Variants in C17orf113 observed in about 807,000 individuals in gnomAD.
C17orf113 encodes uncharacterized protein C17orf113.
C17orf113 carries 5 observed loss-of-function variants against 11.6 expected under a neutral mutation model. The observed-to-expected ratio is 0.43, with a 90% CI of 0.23 to 0.91. The LOEUF (loss-of-function observed/expected upper bound fraction) is 0.91. C17orf113 is among the 40% of genes least tolerant of loss of function. C17orf113 has a pLI of 0.26. For synonymous variants in C17orf113, 327 were observed against 390.6 expected, an observed-to-expected ratio of 0.84 and a Z score of 1.92; for missense variants, 714 against 841.3, an observed-to-expected ratio of 0.85 and a Z score of 1.87.
intron 1 of C17orf113, among the ~76,000 whole-genome samples, chr17:42,046,241 G>A (rs1390579389): frequency 6.6e-6 from 1 of 151,862 alleles, no homozygotes; most frequent in South Asian, 2.1e-4. Flanking sequence ...TTCATATCTC[G>A]TAAGTCCCTG....
intron 1 of C17orf113, among the ~76,000 whole-genome samples, chr17:42,046,204 T>C (rs1555656610): frequency 1.3e-5 from 2 of 152,140 alleles, no homozygotes; most frequent in Non-Finnish European, 2.9e-5. Context: ...ACTGAGTTCC[T>C]AGAAGCCAAG....
intron 2 of C17orf113, among the ~76,000 whole-genome samples, chr17:42,042,612 C>T (rs1289686717): frequency 2.0e-5 from 3 of 152,198 alleles, no homozygotes; most frequent in Non-Finnish European, 4.4e-5. Flanking sequence ...AGAAGAGTGC[C>T]CCTGTGCCCG....
rs1449519217 is a variant in C17orf113, at chr17:42,042,938, G to T, written c.439C>A (p.Arg147Ser). 7 of 1,232,378 alleles carry T rather than the reference G, an allele frequency of 5.7e-6. No homozygotes were observed. The Admixed American group carries it at 2.5e-4, about 45-fold the overall frequency. 76.3% of individuals were successfully genotyped at this position (1,232,378 alleles called of 1,614,324 possible). Residue 147 changes from arginine (R) to serine (S), a missense_variant, in exon 2 of 3, where the codon CGC becomes AGC. Arg to Ser is a moderately radical substitution (Grantham distance 110). Around this residue, in one of 3 missense-constraint regions of C17orf113, gnomAD observed 516 missense variants for 626.6 expected, o/e 0.82. Coordinates refer to ENST00000587304, the MANE Select transcript of C17orf113 (RefSeq NM_001358661.2). Reference protein sequence around the residue: ...CMAKEDVPNDRCSALLELQRF... With the variant: ...CMAKEDVPNDSCSALLELQRF... The stretch of plus-strand genomic sequence containing the variant: ...TGCAGCTCGAGCAGGGCAGAGCAGC[G>T]GTCATTGGGCACATCCTCCTTTGCC...
intron 1 of C17orf113, among the ~76,000 whole-genome samples, chr17:42,049,947 T>A: frequency 6.6e-6 from 1 of 152,238 alleles, no homozygotes; most frequent in Non-Finnish European, 1.5e-5. Flanking sequence ...ACAGCACATT[T>A]ACATCATCCC....
At position 42,050,074 on chromosome 17, in the gene C17orf113, T is replaced by A. The variant is rs2053249256; in HGVS notation, c.-188+483A>T. Reference sequence around the variant, plus strand: ...TGAGGTGTAAACAAAACTCCATGGGTCCAGTTGTGACCAAGGCTGACCAGG... The same window carrying A: ...TGAGGTGTAAACAAAACTCCATGGGACCAGTTGTGACCAAGGCTGACCAGG... On this transcript the variant is annotated intron_variant, in intron 1 of 2. Coordinates refer to ENST00000587304, the MANE Select transcript of C17orf113 (RefSeq NM_001358661.2). This position sits in a 1 kb window ranked among gnomAD's most constrained non-coding sequence, Gnocchi z 5.6. 6.6e-6 allele frequency among the ~76,000 whole-genome samples: 1 copy of A among 152,026 alleles called. No homozygotes were observed. Among genetic ancestry groups the A allele is most frequent in the Non-Finnish European group, 1.5e-5 (1 of 67,996 alleles).
intron 1 of C17orf113, among the ~76,000 whole-genome samples, chr17:42,044,140 T>TAAAA (rs35206698): frequency 9.6e-5 from 8 of 83,588 alleles, no homozygotes; most frequent in Admixed American, 1.6e-4. Context: ...ACCCCATCTC[T>TAAAA]AAAAAAAAAA....
rs1194072703 is a variant in C17orf113 at position 42,043,479 on chromosome 17, G to C, written c.-103C>G. The C allele has an allele frequency of 9.2e-7, 1 of 1,088,744 alleles. No individual in the cohort carries two copies. Among genetic ancestry groups the C allele is most frequent in the South Asian group, 4.8e-5 (1 of 20,808 alleles). The allele number at this position is 1,088,744 out of a possible 1,614,324, so 67.4% of individuals were successfully genotyped here. On this transcript the variant is annotated 5_prime_UTR_variant, in exon 2 of 3. Transcript: ENST00000587304. The stretch of plus-strand genomic sequence containing the variant: ...TCCCTTGACAAGGAGAGTTGATGGG[G>C]AGGCAGGCTGGGGGCAGCCCGCCAG...
In C17orf113 at chr17:42,039,947, C is replaced by G; in HGVS notation, c.1786G>C (p.Asp596His). ...AHSELHELFP[D>H]FAALAALALA... ...GCCAAGGCGGCTAGGGCGGCGAAGT[C>G]GGGGAAGAGCTCGTGCAGCTCCGAG... Residue 596 changes from aspartate (D) to histidine (H), a missense_variant, in exon 3 of 3, where the codon GAC (aspartate) becomes CAC (histidine). By Grantham distance (81) the Asp-to-His change is moderately conservative. Around this residue, in one of 3 missense-constraint regions of C17orf113, gnomAD observed 194 missense variants for 197.2 expected, o/e 0.98. Coordinates refer to ENST00000587304, the MANE Select transcript of C17orf113 (RefSeq NM_001358661.2). The G allele has an allele frequency of 8.1e-7, 1 of 1,231,182 alleles. No homozygotes were observed. The highest frequency in any genetic ancestry group is 1.6e-5 in the African/African-American group (1 of 64,516). 76.3% of individuals were successfully genotyped at this position (1,231,182 alleles called of 1,614,324 possible).
chr17:42,049,783 C>T (rs1381475439), intron 1 of C17orf113, among the ~76,000 whole-genome samples: 28 of 152,246 alleles, frequency 1.8e-4, no homozygotes, highest in African/African-American at 5.8e-4. Flanking sequence ...GATTCTAAAA[C>T]GGCTCTGTCC....
Position 42,039,640 on chromosome 17 carries a change from G to A in C17orf113, c.*65C>T. On this transcript the variant is annotated 3_prime_UTR_variant, in exon 3 of 3. Coordinates refer to ENST00000587304, the MANE Select transcript of C17orf113 (RefSeq NM_001358661.2). ...ATCATCTTGGGTGCAGCATGGTCAA[G>A]TCTAGGTTGGCCCTTACAGTGCCCA... 8.3e-7 allele frequency: 1 copy of A among 1,211,930 alleles called. No individual in the cohort carries two copies. The highest frequency in any genetic ancestry group is 1.0e-6 in the Non-Finnish European group (1 of 969,670). The allele number at this position is 1,211,930 out of a possible 1,614,324, so 75.1% of individuals were successfully genotyped here.
rs1434864769 is a variant in C17orf113, at chr17:42,043,561, A to G, written c.-185T>C. On this transcript the variant is annotated splice_region_variant and 5_prime_UTR_variant, in exon 2 of 3. Transcript: ENST00000587304. ...AGTTTATTCCTGCTCTGCCGGTGGG[A>G]GACTGGAGATGAAAGAGACAGGCAG... The G allele has an allele frequency of 1.0e-4, 44 of 432,300 alleles. No individual in the cohort carries two copies. The Admixed American group carries it at 1.6e-3, about 16-fold the overall frequency. 26.8% of individuals were successfully genotyped at this position (432,300 alleles called of 1,614,324 possible). A position where few individuals can be genotyped will look rare whatever the true frequency, so the allele number is the denominator to read the frequency against.
In C17orf113 at chr17:42,040,975, A is replaced by G; in HGVS notation, c.758T>C (p.Leu253Ser). ...TACGCCGAAAGCCTGCAGGATGTCC[A>G]AGAGCTGGCCAGCAGTGGCCTCGCC... Reference protein sequence around the residue: ...QEGEATAGQLLDILQAFGVSA... With the variant: ...QEGEATAGQLSDILQAFGVSA... The change falls in exon 3 of 3, where the codon TTG becomes TCG. Residue 253 changes from leucine to serine, a missense_variant. Around this residue, in one of 3 missense-constraint regions of C17orf113, gnomAD observed 516 missense variants for 626.6 expected, o/e 0.82. Transcript: ENST00000587304. 2 of 1,232,278 alleles carry G rather than the reference A, an allele frequency of 1.6e-6. No individual in the cohort carries two copies. Among genetic ancestry groups the G allele is most frequent in the Non-Finnish European group, 1.0e-6 (1 of 988,032 alleles). 76.3% of individuals were successfully genotyped at this position (1,232,278 alleles called of 1,614,324 possible).
rs1336779638 is a variant in C17orf113 at position 42,043,517 on chromosome 17, C to T, written c.-141G>A. On this transcript the variant is annotated 5_prime_UTR_variant, in exon 2 of 3. It removes an upstream start codon present in the reference 5' UTR. Transcript: ENST00000587304. ...GGCAGCCCGCCAGGCTAACAGGGCC[C>T]ATCCATCTAAGCCTGGAGAGTTTAT... 4 of 598,260 alleles carry T rather than the reference C, an allele frequency of 6.7e-6. No individual in the cohort carries two copies. In the South Asian group the frequency reaches 3.6e-4, roughly 54 times the overall value. 37.1% of individuals were successfully genotyped at this position (598,260 alleles called of 1,614,324 possible). A position where few individuals can be genotyped will look rare whatever the true frequency, so the allele number is the denominator to read the frequency against.
Position 42,043,321 on chromosome 17 carries a change from C to T in C17orf113, c.56G>A (p.Cys19Tyr), listed in dbSNP as rs2053073233. The T allele has an allele frequency of 2.4e-6, 3 of 1,232,250 alleles. No individual in the cohort carries two copies. The highest frequency in any genetic ancestry group is 3.2e-5 in the East Asian group (1 of 31,712). The allele number at this position is 1,232,250 out of a possible 1,614,324, so 76.3% of individuals were successfully genotyped here. A position where few individuals can be genotyped will look rare whatever the true frequency, so the allele number is the denominator to read the frequency against. The change falls in exon 2 of 3, where the codon TGT becomes TAT. Residue 19 changes from cysteine to tyrosine, a missense_variant. Coordinates refer to ENST00000587304, the MANE Select transcript of C17orf113 (RefSeq NM_001358661.2). ...CCAGTGCTCGTTGAAGTAACGCTTA[C>T]ACTTCTTGTTGGAGTTGGAGGCCTC... Reference protein sequence around the residue: ...AGEASNSNKKCKRYFNEHWKE... With the variant: ...AGEASNSNKKYKRYFNEHWKE...
intron 2 of C17orf113, among the ~76,000 whole-genome samples, chr17:42,041,714 G>A (rs1053873939): frequency 1.9e-4 from 29 of 152,052 alleles, no homozygotes; most frequent in African/African-American, 7.0e-4. Context: ...GTCACCCTGG[G>A]TCCCAGCTGT....
At chr17:42,048,882 T>C (rs1186600568) in intron 1 of C17orf113, among the ~76,000 whole-genome samples, 2 of 150,602 alleles carry the variant, frequency 1.3e-5, no homozygotes, top group Admixed American at 6.6e-5. Context: ...TATACCACTT[T>C]AGTGAGCCGA....
chr17:42,044,941 A>G (rs1247705031), intron 1 of C17orf113, among the ~76,000 whole-genome samples: 4 of 142,188 alleles, frequency 2.8e-5, no homozygotes, highest in African/African-American at 7.8e-5. Context: ...TTTTTGAGAC[A>G]GAGGCTCACT....
intron 1 of C17orf113, among the ~76,000 whole-genome samples, chr17:42,044,373 T>C (rs1407879193): frequency 1.3e-5 from 2 of 149,052 alleles, no homozygotes; most frequent in Admixed American, 6.7e-5. Flanking sequence ...TCCCAGCACT[T>C]TGGGAGGCCG....
In C17orf113 at chr17:42,043,408, C is replaced by T. The variant is rs1006618789; in HGVS notation, c.-32G>A. On this transcript the variant is annotated 5_prime_UTR_variant, in exon 2 of 3. Coordinates refer to ENST00000587304, the MANE Select transcript of C17orf113 (RefSeq NM_001358661.2). ...TCTCTCAGCAAGGAACCCCCAACCC[C>T]CACCTGAATGCTCTTGCCCCCCTGC... The T allele has an allele frequency of 5.8e-5, 71 of 1,231,586 alleles. No individual in the cohort carries two copies. Among genetic ancestry groups the T allele is most frequent in the Non-Finnish European group, 7.0e-5 (69 of 987,762 alleles). 76.3% of individuals were successfully genotyped at this position (1,231,586 alleles called of 1,614,324 possible). A position where few individuals can be genotyped will look rare whatever the true frequency, so the allele number is the denominator to read the frequency against.
Sources: allele counts gnomAD v4.1 joint callset (sites outside exome capture counted in the v4.1 genomes callset), GRCh38; gene constraint gnomAD v4.1.1; regional missense constraint gnomAD v4.1.1; non-coding constraint Gnocchi (gnomAD v3.1); transcripts MANE v1.5; gene names NCBI Gene and HGNC (gene_info 2026-07-23, HGNC 2026-07-21).